PRKAR2B: variants seen among roughly 807,000 people sequenced by gnomAD.
PRKAR2B encodes the protein cAMP-dependent protein kinase type II-beta regulatory subunit.
A neutral mutation model predicts 49.9 loss-of-function variants in PRKAR2B; 14 were observed. The observed-to-expected ratio is 0.28, with a 90% confidence interval of 0.19 to 0.44. The LOEUF (loss-of-function observed/expected upper bound fraction) is 0.44, where lower values mean the gene tolerates loss of function less well. Ranked by LOEUF, PRKAR2B falls within the 20% of genes least tolerant of loss-of-function variation. PRKAR2B has a pLI of 1.00. For missense variants in PRKAR2B, 393 were observed against 537.9 expected (o/e 0.73, Z 2.67); for synonymous variants, 196 against 197.7 (o/e 0.99, Z 0.07).
chr7:107,154,969 C>T (rs189191713), intron 8 of PRKAR2B, among the ~76,000 whole-genome samples: 11 of 152,274 alleles, frequency 7.2e-5, no homozygotes, highest in Non-Finnish European at 1.2e-4. Flanking sequence ...CTGCTGCTTC[C>T]GGCTCCATCT....
At chr7:107,116,880 C>T (rs961646070) in intron 2 of PRKAR2B, among the ~76,000 whole-genome samples, 4 of 145,700 alleles carry the variant, frequency 2.7e-5, no homozygotes, top group South Asian at 2.1e-4. Flanking sequence ...TATATATATA[C>T]ACACATATAT....
At chr7:107,079,157 C>A (rs557419392) in intron 2 of PRKAR2B, among the ~76,000 whole-genome samples, 5 of 152,236 alleles carry the variant, frequency 3.3e-5, no homozygotes, top group Admixed American at 6.5e-5. Context: ...TAATTACAAG[C>A]GGAGTTTAGG....
intron 4 of PRKAR2B, among the ~76,000 whole-genome samples, chr7:107,138,425 T>C (rs1404643365): frequency 6.6e-6 from 1 of 152,270 alleles, no homozygotes; most frequent in African/African-American, 2.4e-5. Context: ...TTTTATTTTT[T>C]ATTTTTGAGA....
chr7:107,053,332 A>G (rs1368294981), intron 1 of PRKAR2B, among the ~76,000 whole-genome samples: 1 of 152,248 alleles, frequency 6.6e-6, no homozygotes, highest in Admixed American at 6.5e-5. Flanking sequence ...AGGAGAAAGT[A>G]AAAAGCAATT....
intron 2 of PRKAR2B, among the ~76,000 whole-genome samples, chr7:107,114,268 G>T (rs923090703): frequency 1.6e-4 from 23 of 146,808 alleles, no homozygotes; most frequent in Admixed American, 1.6e-3. Flanking sequence ...AGGCATTTTT[G>T]AAGAAAAAAA....
chr7:107,094,441 C>T (rs1794796943), intron 2 of PRKAR2B, among the ~76,000 whole-genome samples: 1 of 152,134 alleles, frequency 6.6e-6, no homozygotes, highest in Non-Finnish European at 1.5e-5. Flanking sequence ...TAAAAATTTT[C>T]TCCCATTCTG....
chr7:107,124,379 C>T (rs1263828121), intron 3 of PRKAR2B, among the ~76,000 whole-genome samples: 1 of 152,210 alleles, frequency 6.6e-6, no homozygotes, highest in Non-Finnish European at 1.5e-5. Context: ...ATGGACAAGT[C>T]TCTGCCCTCT....
Position 107,119,464 on chromosome 7 carries a change from G to A in PRKAR2B, c.344-2488G>A, listed in dbSNP as rs537336576. Among the ~76,000 whole-genome samples the A allele has an allele frequency of 9.2e-5, 14 of 152,254 alleles. No homozygotes were observed. In the South Asian group the frequency reaches 2.9e-3, roughly 32 times the overall value. ...TTGTTTTGTTTTGTTTTTGCACTGG[G>A]CCATACAAATTATGTAGCATTCCTG... is the stretch of plus-strand genomic sequence containing the variant. On this transcript the variant is annotated intron_variant, in intron 2 of 10. Coordinates refer to ENST00000265717, the MANE Select transcript of PRKAR2B (RefSeq NM_002736.3).
intron 1 of PRKAR2B, among the ~76,000 whole-genome samples, chr7:107,063,437 A>C (rs1160571619): frequency 6.6e-6 from 1 of 152,162 alleles, no homozygotes; most frequent in African/African-American, 2.4e-5. Context: ...ACAAGGAAAG[A>C]CCCTGCCCTC....
chr7:107,157,081 C>A (rs1181913313), intron 9 of PRKAR2B, 32 bp downstream of exon 9: 1 of 1,607,218 alleles, frequency 6.2e-7, no homozygotes, highest in Non-Finnish European at 8.5e-7. Context: ...AACCCACATA[C>A]TGTTAGCAAG....
intron 2 of PRKAR2B, among the ~76,000 whole-genome samples, chr7:107,110,329 C>T (rs1238193149): frequency 6.6e-6 from 1 of 152,074 alleles, no homozygotes; most frequent in East Asian, 1.9e-4. Flanking sequence ...ACTTGAAAAA[C>T]AGTCTAGGCC....
intron 1 of PRKAR2B, chr7:107,069,952 A>G (rs1284939143): frequency 5.7e-6 from 1 of 174,868 alleles, no homozygotes; most frequent in Non-Finnish European, 1.2e-5. Context: ...AGTCTTTTAT[A>G]GTACTTGATG....
chr7:107,119,341 G>A (rs1026463370), intron 2 of PRKAR2B, among the ~76,000 whole-genome samples: 10 of 152,302 alleles, frequency 6.6e-5, no homozygotes, highest in African/African-American at 1.9e-4. Flanking sequence ...CTGCACTCAC[G>A]AGGGCCGTGC....
intron 1 of PRKAR2B, among the ~76,000 whole-genome samples, chr7:107,064,816 GA>G (rs1337434401): frequency 6.6e-6 from 1 of 152,142 alleles, no homozygotes; most frequent in Admixed American, 6.5e-5. Flanking sequence ...CAAAAATGTA[GA>G]AAATAAGTGG....
intron 4 of PRKAR2B, 43 bp downstream of exon 4, chr7:107,128,338 C>T (rs369273034): frequency 7.0e-7 from 1 of 1,431,032 alleles, no homozygotes. Flanking sequence ...GTTTTTTCCC[C>T]CAGTGACAGT....
chr7:107,155,277 G>A (rs1453705210), intron 8 of PRKAR2B, among the ~76,000 whole-genome samples: 1 of 152,164 alleles, frequency 6.6e-6, no homozygotes, highest in Non-Finnish European at 1.5e-5. Context: ...TCAAGGCCAG[G>A]CACAGTGGCT....
intron 3 of PRKAR2B, among the ~76,000 whole-genome samples, chr7:107,122,231 G>A (rs1795402252): frequency 6.6e-6 from 1 of 152,094 alleles, no homozygotes; most frequent in South Asian, 2.1e-4. Flanking sequence ...GTATCCTGGT[G>A]ATGAAAAGTG....
At chr7:107,135,372 T>C (rs1341547582) in intron 4 of PRKAR2B, among the ~76,000 whole-genome samples, 1 of 152,138 alleles carries the variant, frequency 6.6e-6, no homozygotes, top group Non-Finnish European at 1.5e-5. Context: ...TTCAACATAG[T>C]GCTGAAAGTC....
At position 107,156,892 on chromosome 7, in the gene PRKAR2B, G is replaced by T. The variant is rs867724474; in HGVS notation, c.919-92G>T. 30 of 1,066,232 alleles carry T rather than the reference G, an allele frequency of 2.8e-5. No homozygotes were observed. In the African/African-American group the frequency reaches 3.5e-4, roughly 12 times the overall value. 66.0% of individuals were successfully genotyped at this position (1,066,232 alleles called of 1,614,324 possible). ...TTTCAGGTGAATATGTGTACTTTGGGGTTGGATCAATTTTAGGGATATGAA... is the reference window on the plus strand; with the variant it reads ...TTTCAGGTGAATATGTGTACTTTGGTGTTGGATCAATTTTAGGGATATGAA... On this transcript the variant is annotated intron_variant, in intron 8 of 10. Transcript: ENST00000265717.
Sources: gnomAD v4.1 joint callset for allele counts (sites outside exome capture counted in the v4.1 genomes callset) on GRCh38, gnomAD v4.1.1 for gene constraint, MANE v1.5 for transcripts, NCBI Gene and HGNC (gene_info 2026-07-23, HGNC 2026-07-21) for gene names.